LIPA: variants seen among roughly 807,000 people sequenced by gnomAD.
LIPA encodes the protein lysosomal acid lipase/cholesteryl ester hydrolase.
LIPA carries 26 observed loss-of-function variants against 40.6 expected under a neutral mutation model. The observed-to-expected ratio is 0.64, with a 90% CI of 0.47 to 0.89. LIPA has a LOEUF of 0.89. LIPA is among the 40% of genes least tolerant of loss of function. The pLI is 0.00. For missense variants in LIPA, 455 were observed against 479.6 expected (o/e 0.95, Z 0.48); for synonymous variants, 188 against 168.4 (o/e 1.12, Z -0.90).
upstream of LIPA, chr10:89,251,825 G>A (rs2133478103): frequency 6.6e-6 from 1 of 152,560 alleles, no homozygotes; most frequent in African/African-American, 2.4e-5. Context: ...AGGGGGCCTG[G>A]TCTGCCTTGT....
chr10:89,240,144 G>T (rs1021976258), intron 3 of LIPA, among the ~76,000 whole-genome samples: 1 of 152,164 alleles, frequency 6.6e-6, no homozygotes, highest in Non-Finnish European at 1.5e-5. Flanking sequence ...CCCAGACATA[G>T]TTCTATGACA....
intron 1 of LIPA, 197 bp from the exon 2 acceptor site, chr10:89,247,846 T>TTTTATTTTTTTTATTTATTTATTTA (rs1554869398): frequency 6.1e-6 from 1 of 163,836 alleles, no homozygotes; most frequent in African/African-American, 2.6e-5. Flanking sequence ...TTTATTTTTA[T>TTTTATTTTTTTTATTTATTTATTTA]TTTATTTATT....
At chr10:89,248,463 T>TATTC (rs1843067275) in intron 1 of LIPA, among the ~76,000 whole-genome samples, 1 of 116,652 alleles carries the variant, frequency 8.6e-6, no homozygotes, top group Non-Finnish European at 1.6e-5. Context: ...TTTATTTATT[T>TATTC]ATTTATTTAT....
intron 5 of LIPA, 101 bp downstream of exon 5, chr10:89,226,794 T>A: frequency 1.4e-6 from 1 of 728,602 alleles, no homozygotes; most frequent in South Asian, 1.5e-5. Context: ...TAAAAATAAA[T>A]GGAATTTGAA....
intron 1 of LIPA, among the ~76,000 whole-genome samples, chr10:89,289,538 A>C (rs941819034): frequency 3.9e-5 from 6 of 152,182 alleles, no homozygotes; most frequent in African/African-American, 1.4e-4. Context: ...CCTTTCCCAC[A>C]GGGTCTGAAA....
intron 1 of LIPA, among the ~76,000 whole-genome samples, chr10:89,270,744 G>A (rs898343395): frequency 6.6e-5 from 10 of 152,194 alleles, no homozygotes; most frequent in Non-Finnish European, 4.4e-5. Context: ...TGCTACTCAT[G>A]TTATACGACC....
intron 2 of LIPA, among the ~76,000 whole-genome samples, chr10:89,350,367 G>A (rs1254396111): frequency 6.6e-6 from 1 of 151,652 alleles, no homozygotes; most frequent in Non-Finnish European, 1.5e-5. Flanking sequence ...GGGCAATGGC[G>A]CAATCTCGGC....
intron 1 of LIPA, among the ~76,000 whole-genome samples, chr10:89,309,938 A>G (rs573066367): frequency 6.6e-6 from 1 of 152,142 alleles, no homozygotes; most frequent in South Asian, 2.1e-4. Flanking sequence ...CCCCTAGTAG[A>G]TGTCTCCTAT....
intron 1 of LIPA, among the ~76,000 whole-genome samples, chr10:89,294,933 G>T (rs1843400983): frequency 6.6e-6 from 1 of 151,480 alleles, no homozygotes; most frequent in African/African-American, 2.4e-5. Flanking sequence ...AGCTCTGATT[G>T]CGCCACTGCA....
chr10:89,284,423 A>G (rs978375002), intron 1 of LIPA: 5 of 152,186 alleles, frequency 3.3e-5, no homozygotes, highest in Admixed American at 6.5e-5. Flanking sequence ...CTAAACCAGC[A>G]TCTACACCTC....
At chr10:89,217,792 A>G (rs539746262) in intron 8 of LIPA, among the ~76,000 whole-genome samples, 1 of 152,264 alleles carries the variant, frequency 6.6e-6, no homozygotes, top group Non-Finnish European at 1.5e-5. Context: ...TATGCAGTTG[A>G]TAAGAACAGA....
At chr10:89,228,560 G>T (rs1034027635) in intron 3 of LIPA, among the ~76,000 whole-genome samples, 162 bp from the exon 4 acceptor site, 3 of 152,208 alleles carry the variant, frequency 2.0e-5, no homozygotes, top group African/African-American at 7.2e-5. Context: ...TGTTAGTAAA[G>T]AATTTTTTTA....
Position 89,361,728 on chromosome 10 carries a change from T to C in LIPA, c.61+51063A>G, listed in dbSNP as rs569526481. Among the ~76,000 whole-genome samples, 7 of 152,210 alleles carry C rather than the reference T, an allele frequency of 4.6e-5. No homozygotes were observed. The East Asian group carries it at 1.4e-3, about 29-fold the overall frequency. ...TTTTAACTAAGGCTTCACAGCCTAG[T>C]ATGGTTCCTCCTTAGGATATTGCAG... On this transcript the variant is annotated intron_variant, in intron 2 of 8. Coordinates refer to the LIPA transcript ENST00000371837.
At chr10:89,332,581 A>G (rs1136860) in intron 1 of LIPA, 8 of 1,613,988 alleles carry the variant, frequency 5.0e-6, no homozygotes, top group African/African-American at 1.3e-5. Context: ...AACAAAATCA[A>G]CCGGGACCCC....
upstream of LIPA, among the ~76,000 whole-genome samples, chr10:89,343,892 T>C (rs1843893647): frequency 6.6e-6 from 1 of 150,648 alleles, no homozygotes; most frequent in African/African-American, 2.5e-5. Flanking sequence ...AAAGAACTTA[T>C]ATTAATTTCT....
chr10:89,339,352 G>C (rs765494934), intron 1 of LIPA: 1 of 1,613,712 alleles, frequency 6.2e-7, no homozygotes. Flanking sequence ...TGTTGAAGAA[G>C]CCTTGGAAAA....
Position 89,339,471 on chromosome 10 carries a change from A to C in LIPA, c.-2+3140T>G. 1.9e-6 allele frequency: 3 copies of C among 1,614,082 alleles called. No homozygotes were observed. The African/African-American group carries it at 4.0e-5, about 22-fold the overall frequency. ...TTCAACGGGTGTTGGAATCCACACC[A>C]AACAATGGCTACCTCTATCACCAGA... On this transcript the variant is annotated intron_variant, in intron 1 of 5. Transcript: ENST00000282673.
intron 1 of LIPA, among the ~76,000 whole-genome samples, chr10:89,258,654 A>G (rs898684542): frequency 1.3e-5 from 2 of 152,206 alleles, no homozygotes; most frequent in African/African-American, 4.8e-5. Context: ...AGTTCCTCAA[A>G]AAGGTAAACA....
chr10:89,320,751 C>T (rs1381703909), intron 1 of LIPA, among the ~76,000 whole-genome samples: 21 of 152,172 alleles, frequency 1.4e-4, no homozygotes, highest in Non-Finnish European at 4.4e-5. Flanking sequence ...ATAGAGCCTG[C>T]ATTGCCAAGA....
Sources: allele counts gnomAD v4.1 joint callset (sites outside exome capture counted in the v4.1 genomes callset), GRCh38; gene constraint gnomAD v4.1.1; transcripts MANE v1.5; gene names NCBI Gene and HGNC (gene_info 2026-07-23, HGNC 2026-07-21).